Variants in PCNX1 observed in about 807,000 individuals in gnomAD.
PCNX1 encodes the protein pecanex-like protein 1.
PCNX1 carries 78 observed loss-of-function variants against 242.2 expected under a neutral mutation model. That is an observed-to-expected ratio of 0.32 (90% CI 0.27 to 0.39). PCNX1 has a LOEUF of 0.39. Ranked by LOEUF, PCNX1 falls within the 10% of genes least tolerant of loss-of-function variation. PCNX1 has a pLI of 1.00. For missense variants in PCNX1, 2,581 were observed against 2,856.5 expected, an observed-to-expected ratio of 0.90 and a Z score of 2.20; for synonymous variants, 1,024 against 1,032.9, an observed-to-expected ratio of 0.99 and a Z score of 0.17.
intron 28 of PCNX1, among the ~76,000 whole-genome samples, chr14:71,080,800 C>T (rs1217150469): frequency 1.3e-5 from 2 of 152,168 alleles, no homozygotes; most frequent in East Asian, 1.9e-4. Flanking sequence ...AATATACAGT[C>T]ATGTCATCTG....
Position 70,947,008 on chromosome 14 carries a change from A to G in PCNX1, c.247A>G (p.Arg83Gly), listed in dbSNP as rs2057483465. 4 of 1,613,880 alleles carry G rather than the reference A, an allele frequency of 2.5e-6. No homozygotes were observed. The highest frequency in any genetic ancestry group is 3.4e-6 in the Non-Finnish European group (4 of 1,179,808). The stretch of plus-strand genomic sequence containing the variant: ...GAAGATGGTCAACTATCGACTACAC[A>G]GAGCACTTGATGCTGGAGAAGTTGT... ...VLKMVNYRLH[R>G]ALDAGEVVDR... Residue 83 changes from arginine (R) to glycine (G), a missense_variant, in exon 2 of 36, where the codon AGA (arginine) becomes GGA (glycine). Arg to Gly is a moderately radical substitution (Grantham distance 125). Coordinates refer to ENST00000304743, the MANE Select transcript of PCNX1 (RefSeq NM_014982.3).
intron 20 of PCNX1, among the ~76,000 whole-genome samples, chr14:71,046,541 T>C (rs1235483208): frequency 1.3e-5 from 2 of 152,098 alleles, no homozygotes; most frequent in Non-Finnish European, 2.9e-5. Context: ...TCCTAGACAC[T>C]TTCCCCAATG....
chr14:70,949,374 C>T lies in PCNX1; in HGVS notation c.362+2251C>T, dbSNP rs1213646715. ...ACGTGCATATATACATATATAGACACATACGTGTATATACATATGTGTGTG... is the reference window on the plus strand; with the variant it reads ...ACGTGCATATATACATATATAGACATATACGTGTATATACATATGTGTGTG... On this transcript the variant is annotated intron_variant, in intron 2 of 35. Transcript: ENST00000304743. Among the ~76,000 whole-genome samples, 3 of 133,238 alleles carry T rather than the reference C, an allele frequency of 2.3e-5. 1 individual carries two copies. The highest frequency in any genetic ancestry group is 5.0e-4 in the South Asian group (2 of 3,968). The allele number at this position is 133,238 out of a possible 152,430, so 87.4% of individuals were successfully genotyped here.
Position 71,013,169 on chromosome 14 carries a change from T to G in PCNX1, c.2963T>G (p.Phe988Cys). ...CCCCAGCTGTGGATTGGCATTAACT[T>G]TGACAGACTCACACTTTTGGCCCTG... is the stretch of plus-strand genomic sequence containing the variant. ...ILPQLWIGIN[F>C]DRLTLLALFD... Residue 988 changes from phenylalanine (F) to cysteine (C), a missense_variant, in exon 11 of 36, where the codon TTT (phenylalanine) becomes TGT (cysteine). Phe to Cys is a radical substitution (Grantham distance 205). This residue lies in a region of PCNX1 where 1,204 missense variants were observed against 1,216.7 expected (regional missense o/e 0.99). Transcript: ENST00000304743. 3 of 1,614,068 alleles carry G rather than the reference T, an allele frequency of 1.9e-6. No homozygotes were observed. Among genetic ancestry groups the G allele is most frequent in the Non-Finnish European group, 2.5e-6 (3 of 1,179,940 alleles).
chr14:71,026,606 T>A (rs1464492753), intron 14 of PCNX1, among the ~76,000 whole-genome samples, 166 bp from the exon 15 acceptor site: 1 of 152,138 alleles, frequency 6.6e-6, no homozygotes, highest in Non-Finnish European at 1.5e-5. Context: ...AGATGTTATT[T>A]ACTACCCAAG....
At chr14:71,061,977 A>G (rs1176470145) in intron 26 of PCNX1, among the ~76,000 whole-genome samples, 2 of 151,526 alleles carry the variant, frequency 1.3e-5, no homozygotes, top group Non-Finnish European at 2.9e-5. Flanking sequence ...CAGAAGCTTT[A>G]GCAGAAGCTT....
In PCNX1 at chr14:71,076,138, T is replaced by G. The variant is rs753804233; in HGVS notation, c.5107-51T>G. On this transcript the variant is annotated intron_variant, in intron 27 of 35. Transcript: ENST00000304743. ...ATTTCATTGAGTAATCTGAGTTAATTGAAATTGTAATTTAATCTGAATTCT... is the reference window on the plus strand; with the variant it reads ...ATTTCATTGAGTAATCTGAGTTAATGGAAATTGTAATTTAATCTGAATTCT... 7.1e-6 allele frequency: 8 copies of G among 1,120,014 alleles called. No individual in the cohort carries two copies. In the African/African-American group the frequency reaches 9.3e-5, roughly 13 times the overall value. 69.4% of individuals were successfully genotyped at this position (1,120,014 alleles called of 1,614,324 possible). A position where few individuals can be genotyped will look rare whatever the true frequency, so the allele number is the denominator to read the frequency against.
chr14:71,018,185 AT>A (rs1207709080), intron 11 of PCNX1, among the ~76,000 whole-genome samples: 1 of 151,952 alleles, frequency 6.6e-6, no homozygotes, highest in Non-Finnish European at 1.5e-5. Flanking sequence ...TGTACTGAGC[AT>A]TTTTTCATTT....
chr14:71,004,968 A>G (rs2059612763), intron 8 of PCNX1, among the ~76,000 whole-genome samples: 1 of 152,118 alleles, frequency 6.6e-6, no homozygotes, highest in Non-Finnish European at 1.5e-5. Flanking sequence ...TCTCTGCCCT[A>G]TGAGTAATAC....
chr14:70,911,428 G>A (rs571775925), intron 1 of PCNX1, among the ~76,000 whole-genome samples: 3 of 152,338 alleles, frequency 2.0e-5, no homozygotes, highest in African/African-American at 7.2e-5. Context: ...ACATCAACTA[G>A]TTAAAAATCT....
chr14:71,067,811 G>T (rs904945022), intron 26 of PCNX1, among the ~76,000 whole-genome samples: 1 of 151,492 alleles, frequency 6.6e-6, no homozygotes, highest in Non-Finnish European at 1.5e-5. Flanking sequence ...TTGTGTCTTT[G>T]TTCTTATTGG....
At chr14:71,089,120 C>T (rs1311638093) in intron 29 of PCNX1, 72 bp from the exon 30 acceptor site, 14 of 1,140,718 alleles carry the variant, frequency 1.2e-5, no homozygotes, top group East Asian at 9.6e-5. Flanking sequence ...CTGATGCACA[C>T]GCAGATGTAA....
chr14:70,979,819 A>G (rs1183397814), intron 6 of PCNX1, among the ~76,000 whole-genome samples: 2 of 152,170 alleles, frequency 1.3e-5, no homozygotes, highest in African/African-American at 4.8e-5. Flanking sequence ...ATGGGAACGT[A>G]AAGAAATTTT....
chr14:71,006,613 TA>T (rs1368956393), intron 8 of PCNX1, among the ~76,000 whole-genome samples: 5 of 152,210 alleles, frequency 3.3e-5, no homozygotes, highest in Non-Finnish European at 7.4e-5. Flanking sequence ...TGTAACGGCA[TA>T]TTTTACTTCA....
At chr14:71,037,409 G>A (rs1473944494) in intron 19 of PCNX1, among the ~76,000 whole-genome samples, 33 of 142,146 alleles carry the variant, frequency 2.3e-4, no homozygotes, top group Non-Finnish European at 4.9e-4. Flanking sequence ...CATTCAGTAT[G>A]ATATTGGCTG....
At chr14:71,052,183 C>T (rs2141188614) in intron 24 of PCNX1, among the ~76,000 whole-genome samples, 171 bp downstream of exon 24, 1 of 151,630 alleles carries the variant, frequency 6.6e-6, no homozygotes, top group East Asian at 1.9e-4. Flanking sequence ...AAAGAAGAGG[C>T]CAGAGGAAAT....
chr14:71,034,980 G>A (rs938241665), intron 18 of PCNX1, among the ~76,000 whole-genome samples: 4 of 152,206 alleles, frequency 2.6e-5, no homozygotes, highest in Non-Finnish European at 4.4e-5. Context: ...AGTAAAATAG[G>A]ACTTAAGCAC....
At chr14:70,993,461 T>C (rs182388265) in intron 7 of PCNX1, among the ~76,000 whole-genome samples, 1 of 152,300 alleles carries the variant, frequency 6.6e-6, no homozygotes, top group East Asian at 1.9e-4. Flanking sequence ...AAAATTAAAT[T>C]GATAGTCAAA....
intron 5 of PCNX1, among the ~76,000 whole-genome samples, chr14:70,972,959 T>C (rs1279741923): frequency 6.6e-6 from 1 of 151,992 alleles, no homozygotes. Flanking sequence ...GGTAGAAAAG[T>C]GAAAAGTTCT....
Sources: gnomAD v4.1 joint callset for allele counts (sites outside exome capture counted in the v4.1 genomes callset) on GRCh38, gnomAD v4.1.1 for gene constraint, gnomAD v4.1.1 regional missense constraint, MANE v1.5 for transcripts, NCBI Gene and HGNC (gene_info 2026-07-23, HGNC 2026-07-21) for gene names.